Variants in PRDM2 observed in about 807,000 individuals in gnomAD.
PRDM2 encodes PR/SET domain 2.
In PRDM2, 30 loss-of-function variants were observed where a neutral mutation model predicts 130.0. That is an observed-to-expected ratio of 0.23 (90% CI 0.17 to 0.31). The LOEUF (loss-of-function observed/expected upper bound fraction) is 0.31. PRDM2 is among the 10% of genes least tolerant of loss of function. PRDM2 has a pLI of 1.00. For missense variants in PRDM2, 2,011 were observed against 2,108.4 expected (o/e 0.95, Z 0.90); for synonymous variants, 871 against 782.4 (o/e 1.11, Z -1.89).
At position 13,749,253 on chromosome 1, in the gene PRDM2, A is replaced by G. The variant is rs1643721664; in HGVS notation, c.385-108A>G. On this transcript the variant is annotated intron_variant, in intron 5 of 9. Transcript: ENST00000311066. Reference sequence around the variant, plus strand: ...GCCGGGTGCGCGCGGCGCCGCCGACAGCTGTTTGCCATCGGCGCCGCTCCC... The same window carrying G: ...GCCGGGTGCGCGCGGCGCCGCCGACGGCTGTTTGCCATCGGCGCCGCTCCC... 10 of 1,065,034 alleles carry G rather than the reference A, an allele frequency of 9.4e-6. No homozygotes were observed. The Admixed American group carries it at 1.5e-4, about 16-fold the overall frequency. The allele number at this position is 1,065,034 out of a possible 1,614,324, so 66.0% of individuals were successfully genotyped here.
rs555728661 is a variant in PRDM2 at position 13,803,149 on chromosome 1, G to C, written c.5037-13278G>C. Reference sequence around the variant, plus strand: ...GTAGGGTTAGGTTCACAGAACTGTCGTAAAAATGGGGACCTTGTCCCCTGG... The same window carrying C: ...GTAGGGTTAGGTTCACAGAACTGTCCTAAAAATGGGGACCTTGTCCCCTGG... On this transcript the variant is annotated intron_variant, in intron 8 of 9. Coordinates refer to ENST00000311066, the MANE Select transcript of PRDM2 (RefSeq NM_001393986.1). The surrounding 1 kb of genome is among the most constrained non-coding windows in gnomAD (Gnocchi z 6.2). Among the ~76,000 whole-genome samples the C allele has an allele frequency of 2.0e-5, 3 of 152,224 alleles. No individual in the cohort carries two copies. The South Asian group carries it at 6.2e-4, about 32-fold the overall frequency.
Position 13,749,423 on chromosome 1 carries a change from A to T in PRDM2, c.447A>T (p.Ala149=), listed in dbSNP as rs1233344794. The T allele has an allele frequency of 6.6e-7, 1 of 1,511,812 alleles. No homozygotes were observed. Among genetic ancestry groups the T allele is most frequent in the African/African-American group, 1.4e-5 (1 of 69,540 alleles). The allele number at this position is 1,511,812 out of a possible 1,614,324, so 93.6% of individuals were successfully genotyped here. ...WYNGEDNPEI[A]AAIEEERASA... ...ATGGGGAAGACAACCCTGAGATAGC[A>T]GCTGCGATTGAGGAAGAGCGAGCCA... is the stretch of plus-strand genomic sequence containing the variant. The change falls in exon 6 of 10, where the codon GCA becomes GCT. Residue 149 remains alanine (A), a synonymous_variant. Coordinates refer to ENST00000311066, the MANE Select transcript of PRDM2 (RefSeq NM_001393986.1).
At chr1:13,813,772 A>C (rs1645212524) in intron 8 of PRDM2, among the ~76,000 whole-genome samples, 1 of 152,210 alleles carries the variant, frequency 6.6e-6, no homozygotes, top group Admixed American at 6.5e-5. Flanking sequence ...CGTTCCACCC[A>C]GATGGACGCC....
At position 13,771,846 on chromosome 1, in the gene PRDM2, T is replaced by G. The variant is rs924609730; in HGVS notation, c.512-1232T>G. On this transcript the variant is annotated intron_variant, in intron 6 of 9. Coordinates refer to ENST00000311066, the MANE Select transcript of PRDM2 (RefSeq NM_001393986.1). The surrounding 1 kb of genome is among the most constrained non-coding windows in gnomAD (Gnocchi z 4.1). ...AAATTTTTGTCAAAATCTGGTGGTGTTTTTTAGGATTTGTTTTTGCTTTGT... is the reference window on the plus strand; with the variant it reads ...AAATTTTTGTCAAAATCTGGTGGTGGTTTTTAGGATTTGTTTTTGCTTTGT... 1.2e-4 allele frequency: 18 copies of G among 152,326 alleles called. No homozygotes were observed. The highest frequency in any genetic ancestry group is 2.2e-4 in the African/African-American group (9 of 41,572). The allele number at this position is 152,326 out of a possible 1,614,324, so 9.4% of individuals were successfully genotyped here.
chr1:13,804,637 C>G (rs1488518307), intron 8 of PRDM2, among the ~76,000 whole-genome samples: 1 of 152,122 alleles, frequency 6.6e-6, no homozygotes, highest in Non-Finnish European at 1.5e-5. Flanking sequence ...ATTTTGAGTA[C>G]AAGGATCTAG....
intron 1 of PRDM2, among the ~76,000 whole-genome samples, chr1:13,712,722 C>T (rs1642409507): frequency 6.6e-6 from 1 of 152,212 alleles, no homozygotes; most frequent in Non-Finnish European, 1.5e-5. Context: ...GATCACACCA[C>T]TGCACTCTAG....
chr1:13,724,558 G>A (rs1424234522), intron 2 of PRDM2, among the ~76,000 whole-genome samples: 6 of 147,124 alleles, frequency 4.1e-5, no homozygotes, highest in South Asian at 2.1e-4. Flanking sequence ...GCAGTGGCAC[G>A]ATCTCGGCTC....
intron 2 of PRDM2, among the ~76,000 whole-genome samples, chr1:13,724,580 C>T (rs1328154901): frequency 1.3e-5 from 2 of 151,242 alleles, no homozygotes; most frequent in African/African-American, 2.4e-5. Flanking sequence ...CTGCAACCTC[C>T]GCCTCTCAGG....
At chr1:13,802,836 T>G (rs1232507547) in intron 8 of PRDM2, among the ~76,000 whole-genome samples, 1 of 152,220 alleles carries the variant, frequency 6.6e-6, no homozygotes, top group Non-Finnish European at 1.5e-5. Context: ...AGTTGCCTTT[T>G]GAAGAAAGCA....
intron 8 of PRDM2, among the ~76,000 whole-genome samples, chr1:13,794,925 T>C (rs1469024269): frequency 6.6e-6 from 1 of 152,224 alleles, no homozygotes; most frequent in Non-Finnish European, 1.5e-5. Context: ...TGCTGTGTCT[T>C]TGCCAGGCCA....
At chr1:13,720,460 G>A (rs1419816273) in intron 2 of PRDM2, among the ~76,000 whole-genome samples, 1 of 152,078 alleles carries the variant, frequency 6.6e-6, no homozygotes, top group East Asian at 1.9e-4. Context: ...TCAGCTCTGG[G>A]GTCGCCAGAA....
At chr1:13,750,621 A>G (rs564877535) in intron 6 of PRDM2, among the ~76,000 whole-genome samples, 1 of 152,328 alleles carries the variant, frequency 6.6e-6, no homozygotes, top group African/African-American at 2.4e-5. Context: ...GTATGTCACC[A>G]CAAAATGGAA....
intron 1 of PRDM2, among the ~76,000 whole-genome samples, chr1:13,702,056 A>T (rs1414211689): frequency 6.6e-6 from 1 of 152,238 alleles, no homozygotes; most frequent in Non-Finnish European, 1.5e-5. Flanking sequence ...CACAAAGAAG[A>T]AACAGAAATT....
In PRDM2 at chr1:13,765,131, C is replaced by T. The variant is rs1172189814; in HGVS notation, c.512-7947C>T. On this transcript the variant is annotated intron_variant, in intron 6 of 9. Coordinates refer to ENST00000311066, the MANE Select transcript of PRDM2 (RefSeq NM_001393986.1). ...TGATCCTCTGATAACCACACCCACCCCGCTGCAAACCTTTCTGAAAGCATT... is the reference window on the plus strand; with the variant it reads ...TGATCCTCTGATAACCACACCCACCTCGCTGCAAACCTTTCTGAAAGCATT... 2.0e-5 allele frequency among the ~76,000 whole-genome samples: 3 copies of T among 152,334 alleles called. No individual in the cohort carries two copies. In the East Asian group the frequency reaches 5.8e-4, roughly 29 times the overall value.
intron 6 of PRDM2, among the ~76,000 whole-genome samples, chr1:13,767,948 C>T (rs1220970006): frequency 6.6e-6 from 1 of 151,860 alleles, no homozygotes; most frequent in African/African-American, 2.4e-5. Context: ...CGCACTCTAG[C>T]CTGAATGACA....
In PRDM2 at chr1:13,715,591, C is replaced by A. The variant is rs761266919; in HGVS notation, c.-15C>A. On this transcript the variant is annotated 5_prime_UTR_variant, in exon 2 of 10. Transcript: ENST00000311066. ...TTGTTGTGTGTATCTTTACAGAACA[C>A]AACAGGAATTGAAAATGAATCAGGT... is the stretch of plus-strand genomic sequence containing the variant. 2 of 1,587,508 alleles carry A rather than the reference C, an allele frequency of 1.3e-6. No homozygotes were observed. The highest frequency in any genetic ancestry group is 2.3e-5 in the East Asian group (1 of 43,140).
rs1454058978 is a variant in PRDM2 at position 13,780,615 on chromosome 1, C to T, written c.2820C>T (p.Ser940=). ...GTTTCCCTGCCCCTACTGTTGAGTCCACACCTGATGTTTGTCCTTCATCAC... is the reference window on the plus strand; with the variant it reads ...GTTTCCCTGCCCCTACTGTTGAGTCTACACCTGATGTTTGTCCTTCATCAC... ...GSGFPAPTVE[S]TPDVCPSSPA... Residue 940 remains serine, a synonymous_variant, in exon 8 of 10, where the codon TCC becomes TCT. Coordinates refer to ENST00000311066, the MANE Select transcript of PRDM2 (RefSeq NM_001393986.1). The T allele has an allele frequency of 1.2e-6, 2 of 1,614,026 alleles. No homozygotes were observed. Among genetic ancestry groups the T allele is most frequent in the East Asian group, 2.2e-5 (1 of 44,876 alleles).
chr1:13,791,581 T>G (rs778273092), intron 8 of PRDM2, among the ~76,000 whole-genome samples: 34 of 152,196 alleles, frequency 2.2e-4, no homozygotes, highest in Non-Finnish European at 3.5e-4. Context: ...AATAGTGTGT[T>G]TGTTACATGC....
At position 13,779,694 on chromosome 1, in the gene PRDM2, TAGTG is replaced by T; in HGVS notation, c.1902_1905del (p.Ser634ArgfsTer31). 5 of 1,613,880 alleles carry T rather than the reference TAGTG, an allele frequency of 3.1e-6. No homozygotes were observed. Among genetic ancestry groups the T allele is most frequent in the Non-Finnish European group, 2.5e-6 (3 of 1,179,978 alleles). On this transcript the variant is annotated frameshift_variant, in exon 8 of 10. Coordinates refer to ENST00000311066, the MANE Select transcript of PRDM2 (RefSeq NM_001393986.1). LOFTEE classifies it high-confidence loss of function. This position sits in a 1 kb window ranked among gnomAD's most constrained non-coding sequence, Gnocchi z 4.9. ...CTAAAGAGCCTTTGGGCAGCACAAATAGTGAGGCCAAGAAGCGGAGAACTGCGAG... is the reference window on the plus strand; with the variant it reads ...CTAAAGAGCCTTTGGGCAGCACAAATAGGCCAAGAAGCGGAGAACTGCGAG...
Sources: gnomAD v4.1 joint callset for allele counts (sites outside exome capture counted in the v4.1 genomes callset) on GRCh38, gnomAD v4.1.1 for gene constraint, Gnocchi (gnomAD v3.1) non-coding constraint, MANE v1.5 for transcripts, NCBI Gene and HGNC (gene_info 2026-07-23, HGNC 2026-07-21) for gene names.